The following EXTL3 variants were observed in gnomAD, a reference collection of about 807,000 sequenced individuals.
EXTL3 encodes the protein exostosin like glycosyltransferase 3.
A neutral mutation model predicts 69.3 loss-of-function variants in EXTL3; 27 were observed. The observed-to-expected ratio is 0.39, with a 90% confidence interval of 0.29 to 0.54. EXTL3 has a LOEUF of 0.54. EXTL3 is among the 20% of genes least tolerant of loss of function. EXTL3 has a pLI of 0.69. For synonymous variants in EXTL3, 511 were observed against 499.4 expected (o/e 1.02, Z -0.31); for missense variants, 1,003 against 1,231.8 (o/e 0.81, Z 2.78).
intron 2 of EXTL3, among the ~76,000 whole-genome samples, chr8:28,615,693 A>G (rs1422816678): frequency 6.6e-6 from 1 of 151,400 alleles, no homozygotes; most frequent in Non-Finnish European, 1.5e-5. Flanking sequence ...TCAGCCTCCC[A>G]AGTAGTTGGG....
intron 1 of EXTL3, among the ~76,000 whole-genome samples, chr8:28,690,359 C>T (rs1057183638): frequency 3.3e-5 from 5 of 152,124 alleles, no homozygotes; most frequent in African/African-American, 4.8e-5. Flanking sequence ...ATTATAAGCA[C>T]ATGGCACCAC....
At chr8:28,611,777 A>G (rs1806274845) in intron 2 of EXTL3, among the ~76,000 whole-genome samples, 1 of 151,992 alleles carries the variant, frequency 6.6e-6, no homozygotes, top group African/African-American at 2.4e-5. Context: ...AATAGTTCTT[A>G]TTTTCTAAAT....
chr8:28,613,385 T>C (rs763658573), intron 2 of EXTL3, among the ~76,000 whole-genome samples: 1 of 152,122 alleles, frequency 6.6e-6, no homozygotes, highest in Non-Finnish European at 1.5e-5. Context: ...GGTTTCACCA[T>C]GTTGGCCAGG....
chr8:28,730,488 C>T (rs2130770786), intron 3 of EXTL3, among the ~76,000 whole-genome samples: 1 of 146,664 alleles, frequency 6.8e-6, no homozygotes, highest in Middle Eastern at 3.4e-3. Flanking sequence ...GTAAACTATA[C>T]TTAACTGAGA....
At position 28,716,866 on chromosome 8, in the gene EXTL3, T is replaced by G. The variant is rs1403994654; in HGVS notation, c.807T>G (p.Asp269Glu). Residue 269 changes from aspartate (D) to glutamate (E), a missense_variant, in exon 3 of 7, where the codon GAT (aspartate) becomes GAG (glutamate). Transcript: ENST00000220562. This position sits in a 1 kb window ranked among gnomAD's most constrained non-coding sequence, Gnocchi z 7.1. ...QLYSLPHWRT[D>E]GHNHVIINLS... The stretch of plus-strand genomic sequence containing the variant: ...ATTCCCTGCCACACTGGCGGACGGA[T>G]GGACACAACCATGTCATCATCAATC... 1 of 1,614,202 alleles carries G rather than the reference T, an allele frequency of 6.2e-7. No homozygotes were observed. The highest frequency in any genetic ancestry group is 1.3e-5 in the African/African-American group (1 of 75,054).
intron 3 of EXTL3, among the ~76,000 whole-genome samples, chr8:28,723,639 T>A (rs569335961): frequency 2.2e-5 from 3 of 137,988 alleles, no homozygotes; most frequent in African/African-American, 8.7e-5. Flanking sequence ...GGCTCAGGAC[T>A]GTTTTTTTTT....
chr8:28,641,506 T>G (rs1010376111), intron 1 of EXTL3, among the ~76,000 whole-genome samples: 3 of 152,226 alleles, frequency 2.0e-5, no homozygotes, highest in Non-Finnish European at 4.4e-5. Flanking sequence ...AAACGGAGTC[T>G]CACTCTTTCC....
intron 2 of EXTL3, among the ~76,000 whole-genome samples, chr8:28,610,189 C>T (rs1279871189): frequency 1.3e-5 from 2 of 149,286 alleles, no homozygotes; most frequent in Non-Finnish European, 2.9e-5. Context: ...AGCGACAGAG[C>T]GAGACTCCAT....
intron 1 of EXTL3, among the ~76,000 whole-genome samples, chr8:28,664,373 CTTTGTTTGTTTGTTTG>C (rs36209329): frequency 6.6e-6 from 1 of 151,764 alleles, no homozygotes; most frequent in South Asian, 2.1e-4. Flanking sequence ...TTCTTTCCAT[CTTTGTTTGTTTGTTTG>C]TTTGTTTGTT....
chr8:28,733,376 A>ATGTG (rs535701097), intron 4 of EXTL3, among the ~76,000 whole-genome samples: 2 of 151,122 alleles, frequency 1.3e-5, no homozygotes, highest in African/African-American at 2.4e-5. Flanking sequence ...TTATATATAA[A>ATGTG]TGTGTGTGTG....
chr8:28,629,879 A>G (rs1259439576), intron 1 of EXTL3, among the ~76,000 whole-genome samples: 1 of 152,164 alleles, frequency 6.6e-6, no homozygotes, highest in East Asian at 1.9e-4. Flanking sequence ...AAGGAGAGCT[A>G]TTCAGAGATA....
chr8:28,627,606 G>T (rs1021838295), intron 1 of EXTL3, among the ~76,000 whole-genome samples: 2 of 152,044 alleles, frequency 1.3e-5, no homozygotes, highest in Non-Finnish European at 2.9e-5. Context: ...CAAAAGAATT[G>T]TAAGCAGGGA....
At chr8:28,631,617 G>A (rs560895571) in intron 1 of EXTL3, 14 of 152,286 alleles carry the variant, frequency 9.2e-5, no homozygotes, top group Non-Finnish European at 1.9e-4. Context: ...GCTGCTGATG[G>A]GCGGACCAGG....
chr8:28,742,444 G>GC (rs915350579), intron 5 of EXTL3: 3 of 158,180 alleles, frequency 1.9e-5, no homozygotes, highest in African/African-American at 7.2e-5. Context: ...AGGCTTTGGA[G>GC]CGAAGGGGTG....
At chr8:28,626,463 G>A (rs1371613141) in intron 1 of EXTL3, among the ~76,000 whole-genome samples, 1 of 152,030 alleles carries the variant, frequency 6.6e-6, no homozygotes, top group Non-Finnish European at 1.5e-5. Flanking sequence ...AATGATGAGG[G>A]TGCAGCGTTG....
intron 1 of EXTL3, among the ~76,000 whole-genome samples, chr8:28,693,079 C>T (rs935067056): frequency 3.3e-5 from 5 of 151,892 alleles, no homozygotes; most frequent in East Asian, 1.9e-4. Context: ...TTTTGATACC[C>T]GCTGTTGGCG....
At chr8:28,715,092 A>G (rs1350966001) in intron 2 of EXTL3, among the ~76,000 whole-genome samples, 3 of 152,240 alleles carry the variant, frequency 2.0e-5, no homozygotes, top group Non-Finnish European at 4.4e-5. Flanking sequence ...GTTCTCTTCA[A>G]CCCTTTCAAC....
chr8:28,652,039 C>CTGTGTG (rs34231513), intron 1 of EXTL3, among the ~76,000 whole-genome samples: 89 of 145,206 alleles, frequency 6.1e-4, no homozygotes, highest in African/African-American at 1.9e-3. Context: ...GTGTGTGTGT[C>CTGTGTG]TGTGTGTGTG....
intron 1 of EXTL3, among the ~76,000 whole-genome samples, chr8:28,627,345 C>T (rs1806508475): frequency 6.6e-6 from 1 of 151,840 alleles, no homozygotes; most frequent in African/African-American, 2.4e-5. Context: ...CAAAAATTAG[C>T]CTGGCATGGT....
Sources: allele counts gnomAD v4.1 joint callset (sites outside exome capture counted in the v4.1 genomes callset), GRCh38; gene constraint gnomAD v4.1.1; non-coding constraint Gnocchi (gnomAD v3.1); transcripts MANE v1.5; gene names NCBI Gene and HGNC (gene_info 2026-07-23, HGNC 2026-07-21).